NMNAT2: variants seen among roughly 807,000 people sequenced by gnomAD.
The protein encoded by NMNAT2 is nicotinamide/nicotinic acid mononucleotide adenylyltransferase 2.
Under a neutral mutation model 41.6 loss-of-function variants are expected in NMNAT2, and 11 were observed. The ratio of observed to expected loss-of-function variants is 0.26; its 90% confidence interval spans 0.17 to 0.44. The LOEUF (loss-of-function observed/expected upper bound fraction) is 0.44, where lower values mean the gene tolerates loss of function less well. NMNAT2 is among the 20% of genes least tolerant of loss of function. NMNAT2 has a pLI of 1.00. For missense variants in NMNAT2, 288 were observed against 407.7 expected (o/e 0.71, Z 2.53); for synonymous variants, 148 against 151.2 (o/e 0.98, Z 0.16).
chr1:183,376,733 T>C (rs2101913685), intron 1 of NMNAT2, among the ~76,000 whole-genome samples: 1 of 152,290 alleles, frequency 6.6e-6, no homozygotes, highest in Non-Finnish European at 1.5e-5. Flanking sequence ...TGCATTTGAC[T>C]GTGTGGTAGG....
intron 1 of NMNAT2, among the ~76,000 whole-genome samples, chr1:183,325,234 A>AG (rs1224492080): frequency 2.0e-5 from 3 of 152,196 alleles, no homozygotes; most frequent in Admixed American, 6.5e-5. Context: ...TAGTGGTAGG[A>AG]GGGGACTCAG....
chr1:183,327,120 G>T (rs896818223), intron 1 of NMNAT2, among the ~76,000 whole-genome samples: 1 of 152,000 alleles, frequency 6.6e-6, no homozygotes, highest in African/African-American at 2.4e-5. Context: ...GTGCAATCTC[G>T]GCTCACTGCA....
At chr1:183,295,037 G>T (rs1023438531) in intron 1 of NMNAT2, among the ~76,000 whole-genome samples, 6 of 152,036 alleles carry the variant, frequency 3.9e-5, no homozygotes, top group Admixed American at 6.6e-5. Flanking sequence ...AAAGTCTCAC[G>T]CTGTCACTTA....
intron 1 of NMNAT2, among the ~76,000 whole-genome samples, chr1:183,374,301 C>CG (rs1055649775): frequency 3.3e-5 from 5 of 152,118 alleles, no homozygotes; most frequent in African/African-American, 1.2e-4. Context: ...CTTGCACCCC[C>CG]CTGGCTCTGG....
intron 1 of NMNAT2, among the ~76,000 whole-genome samples, chr1:183,359,794 G>A (rs1357519720): frequency 6.6e-6 from 1 of 152,156 alleles, no homozygotes; most frequent in Non-Finnish European, 1.5e-5. Flanking sequence ...TGATTGAAAA[G>A]GCAGGAAGCC....
chr1:183,351,469 C>T (rs1245630530), intron 1 of NMNAT2, among the ~76,000 whole-genome samples: 5 of 152,290 alleles, frequency 3.3e-5, no homozygotes, highest in Admixed American at 1.3e-4. Flanking sequence ...GAACCCTCCT[C>T]GCCTGCAGAA....
At chr1:183,388,018 C>T (rs1264380499) in intron 1 of NMNAT2, among the ~76,000 whole-genome samples, 1 of 152,168 alleles carries the variant, frequency 6.6e-6, no homozygotes, top group Middle Eastern at 3.2e-3. Context: ...ATGTGCCAGG[C>T]ACTCTTCTAA....
intron 1 of NMNAT2, among the ~76,000 whole-genome samples, chr1:183,355,793 G>A (rs1174462836): frequency 6.6e-5 from 10 of 152,178 alleles, no homozygotes; most frequent in African/African-American, 1.9e-4. Context: ...TGTACAGGTC[G>A]TGTTGCTGTT....
chr1:183,338,223 A>ATATG (rs61522654), intron 1 of NMNAT2, among the ~76,000 whole-genome samples: 1 of 150,082 alleles, frequency 6.7e-6, no homozygotes, highest in African/African-American at 2.5e-5. Flanking sequence ...CAGATCATTA[A>ATATG]CCGTGAGGCA....
At chr1:183,375,910 A>T (rs1016875906) in intron 1 of NMNAT2, among the ~76,000 whole-genome samples, 1 of 152,178 alleles carries the variant, frequency 6.6e-6, no homozygotes, top group Non-Finnish European at 1.5e-5. Flanking sequence ...TGTGTAGATA[A>T]TTATAAACCA....
At chr1:183,328,479 C>T (rs1403683485) in intron 1 of NMNAT2, among the ~76,000 whole-genome samples, 1 of 152,234 alleles carries the variant, frequency 6.6e-6, no homozygotes, top group Non-Finnish European at 1.5e-5. Flanking sequence ...GGCAATGAAA[C>T]CTCTGCTCTC....
At chr1:183,382,319 C>T (rs982012112) in intron 1 of NMNAT2, among the ~76,000 whole-genome samples, 10 of 152,210 alleles carry the variant, frequency 6.6e-5, no homozygotes, top group African/African-American at 2.2e-4. Context: ...CTTCCTCCAA[C>T]ACTGGGGGTT....
intron 1 of NMNAT2, among the ~76,000 whole-genome samples, chr1:183,324,965 A>G (rs1365741258): frequency 6.6e-6 from 1 of 152,230 alleles, no homozygotes; most frequent in Non-Finnish European, 1.5e-5. Flanking sequence ...GGCCCTACCC[A>G]GCAGAATATC....
At chr1:183,407,579 G>A (rs1648993779) in intron 1 of NMNAT2, among the ~76,000 whole-genome samples, 1 of 152,044 alleles carries the variant, frequency 6.6e-6, no homozygotes, top group Non-Finnish European at 1.5e-5. Flanking sequence ...GGCACCTTAG[G>A]AGATACAAAA....
intron 1 of NMNAT2, among the ~76,000 whole-genome samples, chr1:183,372,328 A>G (rs569730572): frequency 1.1e-4 from 16 of 152,356 alleles, no homozygotes; most frequent in Non-Finnish European, 7.3e-5. Context: ...TGGAAACAGA[A>G]GCAATGACTA....
rs148197954 is a variant in NMNAT2 at position 183,260,218 on chromosome 1, A to G, written c.821+784T>C. Among the ~76,000 whole-genome samples the G allele has an allele frequency of 4.1e-3, 625 of 152,300 alleles. 5 individuals carry two copies. Among genetic ancestry groups the G allele is most frequent in the African/African-American group, 0.014 (601 of 41,566 alleles). ...CACCTTAAAGACAAAGCTTCTTGCC[A>G]TGGGCTTCACTTTGCCTTTTTCCAC... On this transcript the variant is annotated intron_variant, in intron 10 of 10. Coordinates refer to ENST00000287713, the MANE Select transcript of NMNAT2 (RefSeq NM_015039.4).
At chr1:183,315,550 G>A (rs192302431) in intron 1 of NMNAT2, among the ~76,000 whole-genome samples, 5 of 152,206 alleles carry the variant, frequency 3.3e-5, no homozygotes, top group Admixed American at 6.5e-5. Context: ...TTGGGAGGCC[G>A]AGGCGGGTGG....
chr1:183,385,956 G>A (rs61809266), intron 1 of NMNAT2, among the ~76,000 whole-genome samples: 22 of 152,250 alleles, frequency 1.4e-4, no homozygotes, highest in East Asian at 5.8e-4. Flanking sequence ...ATGAGGGCCC[G>A]AGGGGATGAG....
chr1:183,414,227 T>A (rs2788043), intron 1 of NMNAT2, among the ~76,000 whole-genome samples: 100,832 of 152,116 alleles, frequency 0.66, 33,640 homozygotes, highest in East Asian at 0.85. Context: ...CTGCTGCTGC[T>A]CTACAGCCTG....
Sources: gnomAD v4.1 joint callset for allele counts (sites outside exome capture counted in the v4.1 genomes callset) on GRCh38, gnomAD v4.1.1 for gene constraint, MANE v1.5 for transcripts, NCBI Gene and HGNC (gene_info 2026-07-23, HGNC 2026-07-21) for gene names.